TM9SF4: variants seen among roughly 807,000 people sequenced by gnomAD.
TM9SF4 encodes transmembrane 9 superfamily member 4.
A neutral mutation model predicts 90.4 loss-of-function variants in TM9SF4; 26 were observed. The observed-to-expected ratio is 0.29, with a 90% CI of 0.21 to 0.40. The LOEUF is 0.40. Among genes scored for constraint, TM9SF4 ranks in the 10% least tolerant of loss-of-function variants. The pLI is 1.00. For synonymous variants in TM9SF4, 293 were observed against 315.4 expected (o/e 0.93, Z 0.75); for missense variants, 549 against 834.8 (o/e 0.66, Z 4.22).
Position 32,156,942 on chromosome 20 carries a change from C to CTTTTTTTTTTTTTTTT in TM9SF4, c.1330-837_1330-836insTTTTTTTTTTTTTTTT, listed in dbSNP as rs71185385. On this transcript the variant is annotated intron_variant, in intron 13 of 17. Transcript: ENST00000398022. The stretch of plus-strand genomic sequence containing the variant: ...TATTTTTTTTTTTCCTGGACATTTT[C>CTTTTTTTTTTTTTTTT]TTTTTTTTTTTTTTTGAGACGAAGT... Among the ~76,000 whole-genome samples, 92 of 103,462 alleles carry CTTTTTTTTTTTTTTTT rather than the reference C, an allele frequency of 8.9e-4. 7 individuals are homozygous for CTTTTTTTTTTTTTTTT. The highest frequency in any genetic ancestry group is 2.7e-3 in the African/African-American group (59 of 21,566). 67.9% of individuals were successfully genotyped at this position (103,462 alleles called of 152,430 possible). A position where few individuals can be genotyped will look rare whatever the true frequency, so the allele number is the denominator to read the frequency against.
Position 32,121,900 on chromosome 20 carries a change from C to CCCGGACGGGGCGGCTGG in TM9SF4, c.16-11108_16-11092dup, listed in dbSNP as rs1326711337. On this transcript the variant is annotated intron_variant, in intron 1 of 17. Transcript: ENST00000398022. ...GGGGGGCTGACCCCCCCACCTCCCTCCCGGACGGGGCGGCTGGCCGGGCGG... is the reference window on the plus strand; with the variant it reads ...GGGGGGCTGACCCCCCCACCTCCCTCCCGGACGGGGCGGCTGGCCGGACGGGGCGGCTGGCCGGGCGG... Among the ~76,000 whole-genome samples, 12 of 146,686 alleles carry CCCGGACGGGGCGGCTGG rather than the reference C, an allele frequency of 8.2e-5. No individual in the cohort carries two copies. In the East Asian group the frequency reaches 2.1e-3, roughly 26 times the overall value.
intron 13 of TM9SF4, among the ~76,000 whole-genome samples, 190 bp from the exon 14 acceptor site, chr20:32,157,604 G>T (rs887584700): frequency 5.3e-5 from 8 of 152,148 alleles, no homozygotes; most frequent in Non-Finnish European, 1.0e-4. Flanking sequence ...TCTTCACTGG[G>T]AGTCCAGATC....
At chr20:32,130,774 G>C (rs140613136) in intron 1 of TM9SF4, among the ~76,000 whole-genome samples, 1 of 152,292 alleles carries the variant, frequency 6.6e-6, no homozygotes, top group African/African-American at 2.4e-5. Flanking sequence ...TTGTCCATGG[G>C]GACCTGGAGT....
At chr20:32,158,366 T>C (rs1041429476) in intron 14 of TM9SF4, 85 bp from the exon 15 acceptor site, 70 of 1,306,940 alleles carry the variant, frequency 5.4e-5, no homozygotes, top group Non-Finnish European at 7.3e-5. Flanking sequence ...GTGTAGGTGC[T>C]CTCTCTTCAT....
chr20:32,128,203 G>A (rs1600798304), intron 1 of TM9SF4, among the ~76,000 whole-genome samples: 2 of 152,250 alleles, frequency 1.3e-5, no homozygotes, highest in East Asian at 3.9e-4. Context: ...GCATATGATA[G>A]CCACCCCATT....
chr20:32,135,301 A>G (rs1294127583), intron 2 of TM9SF4, among the ~76,000 whole-genome samples: 1 of 152,052 alleles, frequency 6.6e-6, no homozygotes, highest in Non-Finnish European at 1.5e-5. Context: ...AGTTGAAGTT[A>G]TTTTTCATTT....
chr20:32,154,884 T>G (rs1169421174), intron 12 of TM9SF4, among the ~76,000 whole-genome samples: 1 of 151,996 alleles, frequency 6.6e-6, no homozygotes, highest in Non-Finnish European at 1.5e-5. Flanking sequence ...AATTACGAAC[T>G]GGGATGAGAG....
rs1318004993 is a variant in TM9SF4 at position 32,136,066 on chromosome 20, C to A, written c.130-8C>A. 3 of 1,613,492 alleles carry A rather than the reference C, an allele frequency of 1.9e-6. No homozygotes were observed. The highest frequency in any genetic ancestry group is 8.5e-7 in the Non-Finnish European group (1 of 1,179,596). ...TGGTCATCTTGGTTTCTGCTGGATTCCCATCAGGCTGTGAAGCTCACCAGC... is the reference window on the plus strand; with the variant it reads ...TGGTCATCTTGGTTTCTGCTGGATTACCATCAGGCTGTGAAGCTCACCAGC... On this transcript the variant is annotated splice_polypyrimidine_tract_variant and splice_region_variant and intron_variant, in intron 2 of 17. Transcript: ENST00000398022.
chr20:32,155,052 G>A (rs1263259344), intron 12 of TM9SF4, 51 bp from the exon 13 acceptor site: 1 of 1,512,284 alleles, frequency 6.6e-7, no homozygotes, highest in African/African-American at 1.4e-5. Context: ...ACCGGGACAG[G>A]TAGGGGAGGT....
At chr20:32,147,052 C>T (rs2046773708) in intron 9 of TM9SF4, among the ~76,000 whole-genome samples, 197 bp downstream of exon 9, 2 of 147,908 alleles carry the variant, frequency 1.4e-5, no homozygotes. Context: ...GTGATCTCGG[C>T]TCATTGCAAT....
intron 1 of TM9SF4, chr20:32,116,291 C>G (rs2046221753): frequency 6.6e-6 from 1 of 152,208 alleles, no homozygotes; most frequent in Admixed American, 6.5e-5. Context: ...GATGAAAGTG[C>G]TAGCACAGAG....
intron 1 of TM9SF4, among the ~76,000 whole-genome samples, chr20:32,112,900 T>G (rs1378562774): frequency 1.3e-5 from 2 of 152,042 alleles, no homozygotes; most frequent in Non-Finnish European, 2.9e-5. Context: ...GGTGCAATAG[T>G]GAAAAGGTGT....
At chr20:32,157,453 CCTT>C (rs2046944184) in intron 13 of TM9SF4, among the ~76,000 whole-genome samples, 1 of 152,042 alleles carries the variant, frequency 6.6e-6, no homozygotes, top group Admixed American at 6.6e-5. Flanking sequence ...TTGTTTTTTC[CCTT>C]CTTTTCTTCA....
intron 3 of TM9SF4, among the ~76,000 whole-genome samples, chr20:32,137,373 A>G (rs756316249): frequency 3.3e-5 from 5 of 152,184 alleles, no homozygotes; most frequent in Non-Finnish European, 5.9e-5. Flanking sequence ...TGGCAACCCA[A>G]GGCTCTATAG....
In TM9SF4 at chr20:32,165,480, G is replaced by A. The variant is rs533979631; in HGVS notation, c.*36G>A. ...CCACGGCCAAGCTTGCTCCGTCCTCGGACAGGAAGCCACCCTGCGTGGGGG... is the reference window on the plus strand; with the variant it reads ...CCACGGCCAAGCTTGCTCCGTCCTCAGACAGGAAGCCACCCTGCGTGGGGG... On this transcript the variant is annotated 3_prime_UTR_variant, in exon 18 of 18. Coordinates refer to ENST00000398022, the MANE Select transcript of TM9SF4 (RefSeq NM_014742.4). The A allele has an allele frequency of 4.5e-5, 73 of 1,608,228 alleles. No individual in the cohort carries two copies. The Admixed American group carries it at 7.7e-4, about 17-fold the overall frequency.
At chr20:32,110,078 C>T (rs1204928446) in intron 1 of TM9SF4, 25 of 1,254,384 alleles carry the variant, frequency 2.0e-5, no homozygotes, top group Non-Finnish European at 2.5e-5. Flanking sequence ...CCTGTCCTGA[C>T]CCCTCTGAAG....
chr20:32,127,072 T>C (rs1280416827), intron 1 of TM9SF4, among the ~76,000 whole-genome samples: 2 of 152,184 alleles, frequency 1.3e-5, no homozygotes, highest in African/African-American at 4.8e-5. Context: ...ACATGGGCTT[T>C]GGGCTCAACC....
chr20:32,147,820 T>G (rs925607081), intron 9 of TM9SF4, among the ~76,000 whole-genome samples: 2 of 141,126 alleles, frequency 1.4e-5, no homozygotes, highest in Non-Finnish European at 3.0e-5. Context: ...GCCACTGCAC[T>G]CCAGCCTGGG....
chr20:32,164,754 AAC>A (rs1331153749), intron 17 of TM9SF4, among the ~76,000 whole-genome samples: 5 of 152,200 alleles, frequency 3.3e-5, no homozygotes, highest in African/African-American at 1.2e-4. Context: ...CTTTGTAAAT[AAC>A]ACAGATCCCC....
Sources: gnomAD v4.1 joint callset for allele counts (sites outside exome capture counted in the v4.1 genomes callset) on GRCh38, gnomAD v4.1.1 for gene constraint, MANE v1.5 for transcripts, NCBI Gene and HGNC (gene_info 2026-07-23, HGNC 2026-07-21) for gene names.